The following PPP1R12A variants were observed in gnomAD, a reference collection of about 807,000 sequenced individuals.
PPP1R12A encodes the protein protein phosphatase 1 regulatory subunit 12A.
A neutral mutation model predicts 139.6 loss-of-function variants in PPP1R12A; 19 were observed. The ratio of observed to expected loss-of-function variants is 0.14; its 90% confidence interval spans 0.09 to 0.20. The LOEUF (loss-of-function observed/expected upper bound fraction) is 0.20, where lower values mean the gene tolerates loss of function less well. Among genes scored for constraint, PPP1R12A ranks in the 10% least tolerant of loss-of-function variants. The probability of loss-of-function intolerance (pLI) is 1.00; values close to 1 mark genes in which losing one functional copy is unlikely to be tolerated. For synonymous variants in PPP1R12A, 427 were observed against 420.6 expected (o/e 1.02, Z -0.19); for missense variants, 925 against 1,211.5 (o/e 0.76, Z 3.51).
chr12:79,915,498 G>A (rs1274105481), intron 1 of PPP1R12A, among the ~76,000 whole-genome samples: 1 of 151,696 alleles, frequency 6.6e-6, no homozygotes, highest in African/African-American at 2.4e-5. Context: ...CATTAAATTG[G>A]TATATTTAAA....
At position 79,875,941 on chromosome 12, in the gene PPP1R12A, C is replaced by CA. The variant is rs558941329; in HGVS notation, c.238-3004dup. Among the ~76,000 whole-genome samples the CA allele has an allele frequency of 2.9e-4, 44 of 152,078 alleles. No individual in the cohort carries two copies. In the South Asian group the frequency reaches 8.9e-3, roughly 31 times the overall value. ...AGGACTGAAAACACATCAACAACAA[C>CA]AAAAAAGGATATTAATGTCAGACTG... On this transcript the variant is annotated intron_variant, in intron 1 of 24. Coordinates refer to ENST00000450142, the MANE Select transcript of PPP1R12A (RefSeq NM_002480.3).
At chr12:79,894,525 G>A (rs985931641) in intron 1 of PPP1R12A, among the ~76,000 whole-genome samples, 2 of 151,964 alleles carry the variant, frequency 1.3e-5, no homozygotes, top group Admixed American at 6.6e-5. Context: ...GCTATCATCC[G>A]AGGATTCATA....
At chr12:79,847,169 A>G (rs1231642606) in intron 2 of PPP1R12A, among the ~76,000 whole-genome samples, 5 of 152,180 alleles carry the variant, frequency 3.3e-5, no homozygotes, top group Admixed American at 2.6e-4. Context: ...ATAAATTTAT[A>G]TGTGTGTAAA....
In PPP1R12A at chr12:79,806,130, C is replaced by A. The variant is rs1046324333; in HGVS notation, c.1823+36G>T. 3 of 1,604,486 alleles carry A rather than the reference C, an allele frequency of 1.9e-6. No homozygotes were observed. The African/African-American group carries it at 4.0e-5, about 21-fold the overall frequency. The stretch of plus-strand genomic sequence containing the variant: ...AAACGCATGCACATACATAAGCACA[C>A]AGTAGACCTGAGCACAAAATGTATC... On this transcript the variant is annotated intron_variant, in intron 13 of 24. Coordinates refer to ENST00000450142, the MANE Select transcript of PPP1R12A (RefSeq NM_002480.3).
intron 1 of PPP1R12A, among the ~76,000 whole-genome samples, chr12:79,927,775 T>C (rs924216178): frequency 1.3e-5 from 2 of 152,232 alleles, no homozygotes; most frequent in African/African-American, 4.8e-5. Context: ...AATAAAACAC[T>C]GATTAAGTCA....
chr12:79,846,941 T>C (rs1879486001), intron 2 of PPP1R12A, among the ~76,000 whole-genome samples: 1 of 152,106 alleles, frequency 6.6e-6, no homozygotes, highest in Admixed American at 6.5e-5. Context: ...TTTTTCCATA[T>C]ATAAAGAATG....
chr12:79,829,086 C>T (rs919910687), intron 4 of PPP1R12A, among the ~76,000 whole-genome samples: 4 of 152,128 alleles, frequency 2.6e-5, no homozygotes, highest in African/African-American at 9.6e-5. Flanking sequence ...CATCAACAAG[C>T]TAAAACAGAA....
intron 5 of PPP1R12A, among the ~76,000 whole-genome samples, chr12:79,827,308 A>G (rs1469399361): frequency 6.6e-6 from 1 of 152,098 alleles, no homozygotes; most frequent in Non-Finnish European, 1.5e-5. Flanking sequence ...CACATTTCTT[A>G]TATAAAATAT....
At chr12:79,913,744 G>A (rs1388306059) in intron 1 of PPP1R12A, 1 of 152,066 alleles carries the variant, frequency 6.6e-6, no homozygotes, top group African/African-American at 2.4e-5. Flanking sequence ...ATTTTGTTTG[G>A]ACTTGTATTA....
At chr12:79,814,815 CAAAAAA>C (rs149384466) in intron 9 of PPP1R12A, among the ~76,000 whole-genome samples, 28 of 69,748 alleles carry the variant, frequency 4.0e-4, no homozygotes, top group East Asian at 1.8e-3. Context: ...AACTCTGTCT[CAAAAAA>C]AAAAAAAAAA....
chr12:79,785,186 C>T (rs1870957457), intron 22 of PPP1R12A, among the ~76,000 whole-genome samples: 1 of 152,178 alleles, frequency 6.6e-6, no homozygotes, highest in Non-Finnish European at 1.5e-5. Flanking sequence ...GTGTATGACA[C>T]TGTAAGTTTT....
At chr12:79,799,159 T>A (rs916607195) in intron 14 of PPP1R12A, among the ~76,000 whole-genome samples, 7 of 152,092 alleles carry the variant, frequency 4.6e-5, no homozygotes, top group Non-Finnish European at 8.8e-5. Context: ...TTTGTTTTGT[T>A]TTTTTTTGAG....
intron 1 of PPP1R12A, among the ~76,000 whole-genome samples, chr12:79,918,497 GC>G (rs1184319157): frequency 6.6e-6 from 1 of 152,074 alleles, no homozygotes; most frequent in African/African-American, 2.4e-5. Flanking sequence ...AATATTTACT[GC>G]ATGCTGTGAA....
intron 1 of PPP1R12A, among the ~76,000 whole-genome samples, chr12:79,891,526 G>A (rs1200427880): frequency 6.6e-6 from 1 of 152,142 alleles, no homozygotes; most frequent in Non-Finnish European, 1.5e-5. Flanking sequence ...GTAAATTGAA[G>A]AATGTAAAAT....
rs1869488397 is a variant in PPP1R12A, at chr12:79,773,893, C to CTAGTT, written c.*2031_*2035dup. ...ATTTCCAAAATAGTGGGTTTTGCAA[C>CTAGTT]TAGTTTCATGCAGAAACAAGGTCTG... On this transcript the variant is annotated 3_prime_UTR_variant, in exon 25 of 25. Coordinates refer to ENST00000450142, the MANE Select transcript of PPP1R12A (RefSeq NM_002480.3). 2 of 152,050 alleles carry CTAGTT rather than the reference C, an allele frequency of 1.3e-5. No homozygotes were observed. 9.4% of individuals were successfully genotyped at this position (152,050 alleles called of 1,614,324 possible).
intron 1 of PPP1R12A, among the ~76,000 whole-genome samples, chr12:79,915,457 T>TA (rs1013929377): frequency 4.9e-4 from 75 of 152,190 alleles, no homozygotes; most frequent in African/African-American, 1.7e-3. Context: ...ATTTTTTTTT[T>TA]AAATCTAGGC....
intron 2 of PPP1R12A, among the ~76,000 whole-genome samples, chr12:79,855,510 G>C (rs1302649787): frequency 6.6e-6 from 1 of 152,074 alleles, no homozygotes; most frequent in Non-Finnish European, 1.5e-5. Flanking sequence ...GGATTGCTGG[G>C]TCAAATGGTA....
chr12:79,821,184 C>A lies in PPP1R12A; in HGVS notation c.868-18G>T. 1 of 1,559,186 alleles carries A rather than the reference C, an allele frequency of 6.4e-7. No homozygotes were observed. On this transcript the variant is annotated intron_variant, in intron 6 of 24. Coordinates refer to ENST00000450142, the MANE Select transcript of PPP1R12A (RefSeq NM_002480.3). ...CTATGGAGCTTTGTACAAAGTTATGCAAAGGAAAATAAGAAAACTATTAAG... is the reference window on the plus strand; with the variant it reads ...CTATGGAGCTTTGTACAAAGTTATGAAAAGGAAAATAAGAAAACTATTAAG...
At chr12:79,776,354 C>T (rs1202579731) in intron 24 of PPP1R12A, among the ~76,000 whole-genome samples, 2 of 152,078 alleles carry the variant, frequency 1.3e-5, no homozygotes, top group East Asian at 3.9e-4. Flanking sequence ...AAAAGAGGTT[C>T]CTGTCAGCAC....
Sources: gnomAD v4.1 joint callset for allele counts (sites outside exome capture counted in the v4.1 genomes callset) on GRCh38, gnomAD v4.1.1 for gene constraint, MANE v1.5 for transcripts, NCBI Gene and HGNC (gene_info 2026-07-23, HGNC 2026-07-21) for gene names.